Variants in HIVEP3 observed in about 807,000 individuals in gnomAD.
HIVEP3 encodes the protein transcription factor HIVEP3.
In HIVEP3, 49 loss-of-function variants were observed where a neutral mutation model predicts 152.8. The observed-to-expected ratio is 0.32, with a 90% CI of 0.26 to 0.41. HIVEP3 has a LOEUF of 0.41. HIVEP3 is among the 10% of genes least tolerant of loss of function. The probability of loss-of-function intolerance (pLI) is 1.00; values close to 1 mark genes in which losing one functional copy is unlikely to be tolerated. For missense variants in HIVEP3, 2,790 were observed against 3,103.3 expected (o/e 0.90, Z 2.40); for synonymous variants, 1,269 against 1,289.0 (o/e 0.98, Z 0.33).
intron 7 of HIVEP3, among the ~76,000 whole-genome samples, chr1:41,517,096 C>A (rs12058347): frequency 0.11 from 16,002 of 152,240 alleles, 2,773 homozygotes; most frequent in African/African-American, 0.36. Flanking sequence ...TTTCGTCCTC[C>A]GAAAAGTGGC....
intron 1 of HIVEP3, among the ~76,000 whole-genome samples, chr1:41,948,172 G>A (rs914916525): frequency 2.6e-5 from 4 of 152,292 alleles, no homozygotes; most frequent in South Asian, 4.1e-4. Context: ...AAAGGACTTC[G>A]AAAAGCAGGG....
Position 41,519,117 on chromosome 1 carries a change from G to T in HIVEP3, c.5384-629C>A, listed in dbSNP as rs556763091. 1.6e-4 allele frequency among the ~76,000 whole-genome samples: 25 copies of T among 152,312 alleles called. No individual in the cohort carries two copies. The East Asian group carries it at 2.9e-3, about 18-fold the overall frequency. ...AGGGACTCAGGAGCCACAAGGCTGG[G>T]GGCCCAAGCTTGGTTTCCATAGAGA... On this transcript the variant is annotated intron_variant, in intron 6 of 8. Coordinates refer to ENST00000372583, the MANE Select transcript of HIVEP3 (RefSeq NM_024503.5).
At chr1:41,545,063 C>T (rs796716271) in intron 5 of HIVEP3, among the ~76,000 whole-genome samples, 6 of 119,090 alleles carry the variant, frequency 5.0e-5, no homozygotes, top group Non-Finnish European at 9.4e-5. Context: ...CCATCACTAC[C>T]ACCACCACCA....
chr1:41,596,787 C>T (rs1392419573), intron 3 of HIVEP3, among the ~76,000 whole-genome samples: 1 of 152,132 alleles, frequency 6.6e-6, no homozygotes, highest in East Asian at 1.9e-4. Flanking sequence ...ATCCAGGAAA[C>T]CCCCAAGGGC....
Position 41,998,186 on chromosome 1 carries a change from G to A in HIVEP3, n.119+37621C>T, listed in dbSNP as rs545347113. ...TAAATATAAGATTAATTTTTAAAAG[G>A]AAAGCCAATATACTATAAAATGAAC... On this transcript the variant is annotated intron_variant and non_coding_transcript_variant, in intron 1 of 3. Transcript: ENST00000489103. Among the ~76,000 whole-genome samples, 4 of 152,046 alleles carry A rather than the reference G, an allele frequency of 2.6e-5. No individual in the cohort carries two copies. In the South Asian group the frequency reaches 8.3e-4, roughly 32 times the overall value.
intron 1 of HIVEP3, among the ~76,000 whole-genome samples, chr1:41,977,059 C>T (rs1645263483): frequency 1.3e-5 from 2 of 152,102 alleles, no homozygotes; most frequent in African/African-American, 2.4e-5. Flanking sequence ...ATGTTAAAAC[C>T]GTAACAGTGG....
At chr1:41,849,841 C>T (rs558685283) in intron 1 of HIVEP3, among the ~76,000 whole-genome samples, 2 of 152,230 alleles carry the variant, frequency 1.3e-5, no homozygotes, top group African/African-American at 2.4e-5. Flanking sequence ...CAGGCATGCA[C>T]CACCATGCCC....
chr1:41,735,249 T>C (rs1646899319), intron 1 of HIVEP3, among the ~76,000 whole-genome samples: 1 of 152,218 alleles, frequency 6.6e-6, no homozygotes, highest in Non-Finnish European at 1.5e-5. Context: ...GCCTGCTGTT[T>C]GGGAGATCTC....
chr1:41,695,883 G>A (rs937116121), intron 2 of HIVEP3, among the ~76,000 whole-genome samples: 12 of 152,200 alleles, frequency 7.9e-5, no homozygotes, highest in African/African-American at 2.9e-4. Context: ...TATGGGCCTG[G>A]ATGAGCCACT....
intron 3 of HIVEP3, among the ~76,000 whole-genome samples, chr1:41,619,583 AT>A (rs1645017453): frequency 6.6e-6 from 1 of 152,144 alleles, no homozygotes; most frequent in South Asian, 2.1e-4. Flanking sequence ...GAAGGTAAGG[AT>A]GACCTACCTC....
intron 1 of HIVEP3, among the ~76,000 whole-genome samples, chr1:42,035,529 C>G (rs1021915227): frequency 6.6e-6 from 1 of 152,222 alleles, no homozygotes; most frequent in Non-Finnish European, 1.5e-5. Flanking sequence ...AGGAGGGGCC[C>G]CCGCCCCAGG....
chr1:41,720,636 T>C (rs1256458111), intron 1 of HIVEP3, among the ~76,000 whole-genome samples: 6 of 152,348 alleles, frequency 3.9e-5, no homozygotes, highest in Non-Finnish European at 5.9e-5. Flanking sequence ...GGGAACAGTA[T>C]GGAAGTTCCT....
At chr1:41,646,069 C>T (rs568327721) in intron 2 of HIVEP3, among the ~76,000 whole-genome samples, 7 of 152,202 alleles carry the variant, frequency 4.6e-5, no homozygotes, top group Admixed American at 3.3e-4. Flanking sequence ...GGGAGATGCT[C>T]GGTGAAGTCA....
intron 1 of HIVEP3, among the ~76,000 whole-genome samples, chr1:41,865,339 A>T (rs531113016): frequency 6.6e-6 from 1 of 152,298 alleles, no homozygotes; most frequent in South Asian, 2.1e-4. Flanking sequence ...CACCTGTCAA[A>T]TGCCATTTGC....
chr1:41,541,310 A>C (rs1643525921), intron 5 of HIVEP3, among the ~76,000 whole-genome samples: 1 of 152,210 alleles, frequency 6.6e-6, no homozygotes, highest in Admixed American at 6.5e-5. Context: ...ACTCTATGGA[A>C]ATGTGACTTT....
chr1:41,799,755 C>T (rs1650193340), intron 1 of HIVEP3, among the ~76,000 whole-genome samples: 2 of 152,100 alleles, frequency 1.3e-5, no homozygotes, highest in Admixed American at 1.3e-4. Context: ...AGTTTTAAAA[C>T]ACTTTTAGTC....
At chr1:41,907,385 C>T (rs1342368866) in intron 1 of HIVEP3, among the ~76,000 whole-genome samples, 1 of 152,156 alleles carries the variant, frequency 6.6e-6, no homozygotes, top group East Asian at 1.9e-4. Context: ...CTCTTACCAC[C>T]TTGAACTCTG....
Position 42,000,992 on chromosome 1 carries a change from C to G in HIVEP3, n.119+34815G>C, listed in dbSNP as rs1033089469. On this transcript the variant is annotated intron_variant and non_coding_transcript_variant, in intron 1 of 3. Transcript: ENST00000489103. The stretch of plus-strand genomic sequence containing the variant: ...TTACATATAGTAATACTTGCAACAA[C>G]CCCATGAAGCATGACCTACTATTAT... 4.6e-5 allele frequency among the ~76,000 whole-genome samples: 7 copies of G among 152,298 alleles called. No homozygotes were observed. The South Asian group carries it at 1.4e-3, about 32-fold the overall frequency.
chr1:41,989,917 T>C (rs1347846763), intron 1 of HIVEP3, among the ~76,000 whole-genome samples: 2 of 137,718 alleles, frequency 1.5e-5, no homozygotes, highest in Non-Finnish European at 3.1e-5. Flanking sequence ...ATTTAGTCCA[T>C]TTACATTTAA....
Sources: gnomAD v4.1 joint callset for allele counts (sites outside exome capture counted in the v4.1 genomes callset) on GRCh38, gnomAD v4.1.1 for gene constraint, MANE v1.5 for transcripts, NCBI Gene and HGNC (gene_info 2026-07-23, HGNC 2026-07-21) for gene names.